Variants in UNC5C observed in about 807,000 individuals in gnomAD.
UNC5C encodes netrin receptor UNC5C.
A neutral mutation model predicts 99.8 loss-of-function variants in UNC5C; 47 were observed. The observed-to-expected ratio is 0.47, with a 90% CI of 0.37 to 0.60. UNC5C has a LOEUF of 0.60. Ranked by LOEUF, UNC5C falls within the 20% of genes least tolerant of loss-of-function variation. UNC5C has a pLI of 0.00. For synonymous variants in UNC5C, 487 were observed against 452.2 expected, an observed-to-expected ratio of 1.08 and a Z score of -0.98; for missense variants, 1,062 against 1,165.9, an observed-to-expected ratio of 0.91 and a Z score of 1.30.
intron 1 of UNC5C, among the ~76,000 whole-genome samples, chr4:95,501,242 G>A (rs1578197672): frequency 6.6e-6 from 1 of 152,210 alleles, no homozygotes; most frequent in East Asian, 1.9e-4. Context: ...TCTGTTCAGT[G>A]TGGGCTTGTG....
intron 1 of UNC5C, among the ~76,000 whole-genome samples, chr4:95,415,939 C>A (rs115992404): frequency 3.0e-4 from 46 of 151,606 alleles, no homozygotes; most frequent in African/African-American, 9.0e-4. Flanking sequence ...CTGGCAATAA[C>A]TGAAAGACAA....
intron 1 of UNC5C, among the ~76,000 whole-genome samples, chr4:95,519,823 G>A (rs1722305951): frequency 1.3e-5 from 2 of 152,128 alleles, no homozygotes; most frequent in Non-Finnish European, 1.5e-5. Context: ...CATAGCTGAA[G>A]GTATTTTTGT....
intron 10 of UNC5C, among the ~76,000 whole-genome samples, chr4:95,212,253 A>G (rs1305499190): frequency 6.6e-6 from 1 of 152,036 alleles, no homozygotes; most frequent in African/African-American, 2.4e-5. Context: ...TCTGAACACC[A>G]CTAATGCCCC....
chr4:95,427,532 C>T (rs1746517996), intron 1 of UNC5C, among the ~76,000 whole-genome samples: 2 of 152,154 alleles, frequency 1.3e-5, no homozygotes, highest in African/African-American at 2.4e-5. Context: ...CCTGATTAGT[C>T]AGTAGCCATC....
intron 3 of UNC5C, among the ~76,000 whole-genome samples, chr4:95,299,675 T>C (rs1201170963): frequency 1.3e-5 from 2 of 152,142 alleles, no homozygotes; most frequent in Non-Finnish European, 2.9e-5. Flanking sequence ...AAGGAACATC[T>C]TACATGGTGG....
Position 95,378,185 on chromosome 4 carries a change from G to A in UNC5C, c.125-42554C>T, listed in dbSNP as rs190871097. ...CCCAAAGGAATACGCTGATGGAAATGAGAATTATAGTTTTAACAATTCATG... is the reference window on the plus strand; with the variant it reads ...CCCAAAGGAATACGCTGATGGAAATAAGAATTATAGTTTTAACAATTCATG... On this transcript the variant is annotated intron_variant, in intron 1 of 15. Transcript: ENST00000453304. Among the ~76,000 whole-genome samples, 409 of 152,320 alleles carry A rather than the reference G, an allele frequency of 2.7e-3. 5 individuals carry two copies. The highest frequency in any genetic ancestry group is 9.1e-3 in the African/African-American group (380 of 41,582).
chr4:95,185,994 T>C (rs1444983202), intron 12 of UNC5C, among the ~76,000 whole-genome samples: 4 of 152,242 alleles, frequency 2.6e-5, no homozygotes, highest in African/African-American at 7.2e-5. Context: ...TAAAGACAGA[T>C]TCTATATATA....
intron 1 of UNC5C, among the ~76,000 whole-genome samples, chr4:95,447,661 C>T (rs1465273198): frequency 6.6e-6 from 1 of 152,040 alleles, no homozygotes; most frequent in African/African-American, 2.4e-5. Flanking sequence ...TCACCACGCC[C>T]AGCTAACTTT....
intron 15 of UNC5C, 141 bp from the exon 16 acceptor site, chr4:95,169,540 GC>G: frequency 1.1e-6 from 1 of 891,140 alleles, no homozygotes; most frequent in Non-Finnish European, 1.7e-6. Context: ...TAAATAACTA[GC>G]CCATGCTTAA....
chr4:95,255,943 T>C (rs900677670), intron 4 of UNC5C, among the ~76,000 whole-genome samples: 1 of 152,126 alleles, frequency 6.6e-6, no homozygotes, highest in African/African-American at 2.4e-5. Flanking sequence ...TGCTTCACCA[T>C]AGCTGCTCCT....
chr4:95,279,535 A>T (rs1034296570), intron 3 of UNC5C, among the ~76,000 whole-genome samples: 1 of 152,230 alleles, frequency 6.6e-6, no homozygotes, highest in African/African-American at 2.4e-5. Flanking sequence ...CATTTAGTCT[A>T]ATTTCTAAAG....
At position 95,536,234 on chromosome 4, in the gene UNC5C, C is replaced by T. The variant is rs531897364; in HGVS notation, c.124+12500G>A. Among the ~76,000 whole-genome samples the T allele has an allele frequency of 3.3e-3, 504 of 152,072 alleles. 2 individuals are homozygous for T. The highest frequency in any genetic ancestry group is 0.011 in the African/African-American group (470 of 41,512). On this transcript the variant is annotated intron_variant, in intron 1 of 15. Coordinates refer to ENST00000453304, the MANE Select transcript of UNC5C (RefSeq NM_003728.4). ...GGGACTACAGGTGCATGCCACCATG[C>T]CCAGCTAATTTTTGTATTTTTAGTA...
At chr4:95,200,638 T>G (rs954485097) in intron 12 of UNC5C, among the ~76,000 whole-genome samples, 1 of 152,220 alleles carries the variant, frequency 6.6e-6, no homozygotes. Context: ...TCTTGATTAT[T>G]TTTATGATTA....
At chr4:95,331,787 G>A (rs1428671495) in intron 2 of UNC5C, among the ~76,000 whole-genome samples, 2 of 152,046 alleles carry the variant, frequency 1.3e-5, no homozygotes, top group East Asian at 3.8e-4. Flanking sequence ...CTCAATATAT[G>A]TGTATATGTG....
intron 1 of UNC5C, among the ~76,000 whole-genome samples, chr4:95,508,950 AT>A (rs2149486781): frequency 6.6e-6 from 1 of 151,992 alleles, no homozygotes; most frequent in South Asian, 2.1e-4. Context: ...AATCATTTTA[AT>A]TTTGAAACTG....
chr4:95,313,005 G>C (rs976317825), intron 2 of UNC5C, among the ~76,000 whole-genome samples: 5 of 152,078 alleles, frequency 3.3e-5, no homozygotes, highest in Admixed American at 2.0e-4. Flanking sequence ...CATGACAAAA[G>C]GTATAGTGAA....
At chr4:95,400,684 C>G (rs1465807545) in intron 1 of UNC5C, among the ~76,000 whole-genome samples, 2 of 152,156 alleles carry the variant, frequency 1.3e-5, no homozygotes, top group Non-Finnish European at 2.9e-5. Flanking sequence ...AGCCACCGCG[C>G]CCGGCCCACA....
intron 10 of UNC5C, 118 bp downstream of exon 10, chr4:95,216,006 T>G: frequency 1.4e-6 from 1 of 700,350 alleles, no homozygotes; most frequent in Non-Finnish European, 2.3e-6. Context: ...GGAAAAAGAA[T>G]GTATGCCAGA....
At chr4:95,308,478 T>C (rs114263358) in intron 2 of UNC5C, among the ~76,000 whole-genome samples, 2,281 of 151,656 alleles carry the variant, frequency 0.015, 54 homozygotes, top group African/African-American at 0.051. Context: ...GAAGGCCAGG[T>C]GCGGTGGCTC....
Sources: gnomAD v4.1 joint callset for allele counts (sites outside exome capture counted in the v4.1 genomes callset) on GRCh38, gnomAD v4.1.1 for gene constraint, MANE v1.5 for transcripts, NCBI Gene and HGNC (gene_info 2026-07-23, HGNC 2026-07-21) for gene names.